ZMYND11: variants seen among roughly 807,000 people sequenced by gnomAD.
ZMYND11 encodes the protein zinc finger MYND domain-containing protein 11.
ZMYND11 carries 9 observed loss-of-function variants against 84.9 expected under a neutral mutation model. The ratio of observed to expected loss-of-function variants is 0.11; its 90% confidence interval spans 0.06 to 0.18. The LOEUF (loss-of-function observed/expected upper bound fraction) is 0.18, where lower values mean the gene tolerates loss of function less well. Among genes scored for constraint, ZMYND11 ranks in the 10% least tolerant of loss-of-function variants. The probability of loss-of-function intolerance (pLI) is 1.00; values close to 1 mark genes in which losing one functional copy is unlikely to be tolerated. For synonymous variants in ZMYND11, 250 were observed against 244.1 expected (o/e 1.02, Z -0.23); for missense variants, 409 against 761.0 (o/e 0.54, Z 5.44).
intron 11 of ZMYND11, 96 bp downstream of exon 11, chr10:247,069 G>C (rs114467020): frequency 5.5e-6 from 7 of 1,265,830 alleles, no homozygotes; most frequent in Non-Finnish European, 7.7e-6. Context: ...AGATTTTGAC[G>C]TTCTCCTTCC....
At chr10:171,427 CAG>C (rs1316657372) in intron 1 of ZMYND11, among the ~76,000 whole-genome samples, 1 of 152,114 alleles carries the variant, frequency 6.6e-6, no homozygotes, top group African/African-American at 2.4e-5. Flanking sequence ...TGCCATAAAA[CAG>C]ACCTTAATAA....
chr10:223,933 A>G (rs1314840044), intron 4 of ZMYND11, among the ~76,000 whole-genome samples: 1 of 152,150 alleles, frequency 6.6e-6, no homozygotes, highest in Admixed American at 6.5e-5. Flanking sequence ...CCGAATCAGA[A>G]TAACTTTCTA....
At chr10:186,642 CAAAAAAAAAAAA>C (rs56345833) in intron 2 of ZMYND11, among the ~76,000 whole-genome samples, 6 of 95,152 alleles carry the variant, frequency 6.3e-5, no homozygotes, top group African/African-American at 2.0e-4. Flanking sequence ...AGGACTCTCT[CAAAAAAAAAAAA>C]AAAAAAAAAA....
At chr10:186,250 A>G (rs1938392354) in intron 2 of ZMYND11, among the ~76,000 whole-genome samples, 1 of 151,614 alleles carries the variant, frequency 6.6e-6, no homozygotes, top group Non-Finnish European at 1.5e-5. Flanking sequence ...TGACCTTCTG[A>G]TCTGCCCGCC....
rs186900100 is a variant in ZMYND11 at position 167,031 on chromosome 10, C to G, written c.-19-12963C>G. 3.8e-4 allele frequency among the ~76,000 whole-genome samples: 58 copies of G among 152,184 alleles called. No homozygotes were observed. In the East Asian group the frequency reaches 0.01, roughly 27 times the overall value. On this transcript the variant is annotated intron_variant, in intron 1 of 14. Coordinates refer to ENST00000381604, the MANE Select transcript of ZMYND11 (RefSeq NM_001370100.5). Reference sequence around the variant, plus strand: ...CTGTATGATTCCACTCATGAAATATCTAGGCATATTAATAGATACAGAAAG... The same window carrying G: ...CTGTATGATTCCACTCATGAAATATGTAGGCATATTAATAGATACAGAAAG...
intron 14 of ZMYND11, among the ~76,000 whole-genome samples, chr10:250,248 G>A (rs943832394): frequency 4.6e-5 from 7 of 152,132 alleles, no homozygotes; most frequent in African/African-American, 1.7e-4. Context: ...GTTTTAGTTG[G>A]GTATGACAAG....
At chr10:200,632 G>C (rs1316308542) in intron 2 of ZMYND11, among the ~76,000 whole-genome samples, 1 of 151,832 alleles carries the variant, frequency 6.6e-6, no homozygotes, top group African/African-American at 2.4e-5. Flanking sequence ...TATTTACTTA[G>C]AAATAGAATG....
intron 3 of ZMYND11, among the ~76,000 whole-genome samples, chr10:216,408 A>C (rs1317385589): frequency 6.6e-6 from 1 of 152,180 alleles, no homozygotes; most frequent in Non-Finnish European, 1.5e-5. Context: ...CGTATGTTTT[A>C]AGTGCCCTTA....
chr10:156,002 G>C (rs1243523648), intron 1 of ZMYND11, among the ~76,000 whole-genome samples: 1 of 152,212 alleles, frequency 6.6e-6, no homozygotes, highest in Middle Eastern at 3.2e-3. Flanking sequence ...GCACATGAGT[G>C]CAAAAGCCTG....
At chr10:221,447 T>C in intron 4 of ZMYND11, 91 bp downstream of exon 4, 1 of 1,373,064 alleles carries the variant, frequency 7.3e-7, no homozygotes, top group African/African-American at 1.4e-5. Flanking sequence ...TCTTGCCAGG[T>C]GAACGGATAA....
intron 2 of ZMYND11, among the ~76,000 whole-genome samples, chr10:181,635 A>G (rs1438810833): frequency 6.6e-6 from 1 of 152,118 alleles, no homozygotes; most frequent in Non-Finnish European, 1.5e-5. Flanking sequence ...ACCAACAAAG[A>G]AACCCAAAGG....
At chr10:233,707 A>G (rs1033458827) in intron 4 of ZMYND11, among the ~76,000 whole-genome samples, 2 of 152,192 alleles carry the variant, frequency 1.3e-5, no homozygotes, top group South Asian at 2.1e-4. Context: ...GACTGCACTC[A>G]GAAGGAGACA....
At chr10:216,687 A>G (rs1321203288) in intron 3 of ZMYND11, among the ~76,000 whole-genome samples, 2 of 152,182 alleles carry the variant, frequency 1.3e-5, no homozygotes, top group Non-Finnish European at 2.9e-5. Flanking sequence ...TTAAACTATA[A>G]TATACTTAGA....
intron 3 of ZMYND11, among the ~76,000 whole-genome samples, chr10:216,935 T>TGATAAACA (rs1299579377): frequency 1.3e-5 from 2 of 152,182 alleles, no homozygotes; most frequent in Non-Finnish European, 2.9e-5. Context: ...TATCTCCTAA[T>TGATAAACA]GATAAACAGA....
intron 1 of ZMYND11, among the ~76,000 whole-genome samples, chr10:177,297 T>C (rs1405458885): frequency 1.3e-5 from 2 of 152,174 alleles, no homozygotes; most frequent in African/African-American, 2.4e-5. Flanking sequence ...ATTGTATTTC[T>C]CTCACTTGGA....
At chr10:237,069 T>TAAAC (rs964165694) in intron 5 of ZMYND11, among the ~76,000 whole-genome samples, 154 bp downstream of exon 5, 5 of 152,234 alleles carry the variant, frequency 3.3e-5, no homozygotes, top group African/African-American at 9.6e-5. Context: ...TTTTTTGCAG[T>TAAAC]AAACAGTTCT....
rs892039927 is a variant in ZMYND11, at chr10:253,183, A to G, written c.*713A>G. On this transcript the variant is annotated 3_prime_UTR_variant, in exon 15 of 15. Transcript: ENST00000381604. ...GATCTTAGAGAAAATGAATATTTAA[A>G]TTTTAAAGTTTGCACATTTCATCTT... 2.6e-5 allele frequency: 4 copies of G among 152,640 alleles called. No homozygotes were observed. The highest frequency in any genetic ancestry group is 9.7e-5 in the African/African-American group (4 of 41,446). 9.5% of individuals were successfully genotyped at this position (152,640 alleles called of 1,614,324 possible). A position where few individuals can be genotyped will look rare whatever the true frequency, so the allele number is the denominator to read the frequency against.
intron 2 of ZMYND11, 118 bp downstream of exon 2, chr10:180,246 CT>C: frequency 1.5e-6 from 1 of 647,036 alleles, no homozygotes; most frequent in Non-Finnish European, 2.6e-6. Flanking sequence ...ACTGAAGACA[CT>C]TTTTGCTTTG....
chr10:193,945 A>C (rs935735155), intron 2 of ZMYND11, among the ~76,000 whole-genome samples: 1 of 152,170 alleles, frequency 6.6e-6, no homozygotes, highest in Non-Finnish European at 1.5e-5. Context: ...ATATACCACA[A>C]ATTAAAAAAT....
Sources: allele counts gnomAD v4.1 joint callset (sites outside exome capture counted in the v4.1 genomes callset), GRCh38; gene constraint gnomAD v4.1.1; transcripts MANE v1.5; gene names NCBI Gene and HGNC (gene_info 2026-07-23, HGNC 2026-07-21).